Variants in HDHD5 observed in about 807,000 individuals in gnomAD.
The protein encoded by HDHD5 is haloacid dehalogenase-like hydrolase domain-containing 5.
In HDHD5, 34 loss-of-function variants were observed where a neutral mutation model predicts 35.5. The ratio of observed to expected loss-of-function variants is 0.96; its 90% CI spans 0.73 to 1.28. The LOEUF is 1.28. HDHD5 is among the 50% of genes most tolerant of loss of function. HDHD5 has a pLI of 0.00. For synonymous variants in HDHD5, 248 were observed against 240.6 expected (o/e 1.03, Z -0.29); for missense variants, 589 against 560.2 (o/e 1.05, Z -0.52).
At position 17,141,484 on chromosome 22, in the gene HDHD5, G is replaced by C; in HGVS notation, c.572-251C>G. The C allele has an allele frequency of 2.3e-6, 3 of 1,326,034 alleles. No individual in the cohort carries two copies. The South Asian group carries it at 6.2e-5, about 27-fold the overall frequency. The allele number at this position is 1,326,034 out of a possible 1,614,324, so 82.1% of individuals were successfully genotyped here. ...TTCAGTCCACCAGTGCTTCACAGAA[G>C]AGGTTACAAAACAAAAGCAGCATGT... On this transcript the variant is annotated intron_variant, in intron 5 of 7. Coordinates refer to ENST00000336737, the MANE Select transcript of HDHD5 (RefSeq NM_033070.3).
In HDHD5 at chr22:17,159,265, T is replaced by C; in HGVS notation, c.-14A>G. 9.0e-7 allele frequency: 1 copy of C among 1,108,492 alleles called. No homozygotes were observed. The highest frequency in any genetic ancestry group is 1.1e-6 in the Non-Finnish European group (1 of 901,976). 68.7% of individuals were successfully genotyped at this position (1,108,492 alleles called of 1,614,324 possible). A position where few individuals can be genotyped will look rare whatever the true frequency, so the allele number is the denominator to read the frequency against. On this transcript the variant is annotated 5_prime_UTR_variant, in exon 1 of 8. Transcript: ENST00000336737. ...CCACGCAGCCATCCGGCCGTCGCCGTGCGCACGTGCACGGCGTGCGGCCCC... is the reference window on the plus strand; with the variant it reads ...CCACGCAGCCATCCGGCCGTCGCCGCGCGCACGTGCACGGCGTGCGGCCCC...
chr22:17,157,378 G>A (rs950877847), intron 1 of HDHD5, among the ~76,000 whole-genome samples: 2 of 150,094 alleles, frequency 1.3e-5, no homozygotes, highest in Non-Finnish European at 3.0e-5. Context: ...GGCTTCTCCT[G>A]CCTCAGCCTC....
At chr22:17,153,592 C>T (rs2061752818) in intron 1 of HDHD5, among the ~76,000 whole-genome samples, 1 of 152,168 alleles carries the variant, frequency 6.6e-6, no homozygotes, top group Non-Finnish European at 1.5e-5. Flanking sequence ...GGCCATAAAT[C>T]CCCTTTAAAC....
intron 1 of HDHD5, among the ~76,000 whole-genome samples, chr22:17,156,656 C>G (rs1454169838): frequency 6.6e-6 from 1 of 151,208 alleles, no homozygotes; most frequent in Non-Finnish European, 1.5e-5. Flanking sequence ...GGCACCTATA[C>G]TCCCAGTTAC....
intron 1 of HDHD5, among the ~76,000 whole-genome samples, chr22:17,157,076 T>TCTCACACACACACA (rs1555881505): frequency 8.0e-4 from 45 of 56,166 alleles, no homozygotes; most frequent in African/African-American, 3.2e-3. Context: ...AGACACCGTC[T>TCTCACACACACACA]CACACACATA....
upstream of HDHD5, chr22:17,159,296 C>CT (rs916119318): frequency 4.3e-5 from 53 of 1,236,922 alleles, no homozygotes; most frequent in Non-Finnish European, 3.6e-5. Context: ...GCCCCCCCCC[C>CT]CCGCGAGTCC....
At chr22:17,151,312 A>G (rs4819968) in intron 1 of HDHD5, among the ~76,000 whole-genome samples, 133,696 of 152,194 alleles carry the variant, frequency 0.88, 58,886 homozygotes, top group African/African-American at 0.93. Flanking sequence ...TTCTTCAATC[A>G]TCAAAAAAAC....
intron 1 of HDHD5, among the ~76,000 whole-genome samples, chr22:17,153,335 G>A (rs1348721547): frequency 3.9e-5 from 6 of 152,194 alleles, no homozygotes; most frequent in Admixed American, 6.5e-5. Flanking sequence ...GGGTCACCCA[G>A]TTCACAAGTG....
upstream of HDHD5, among the ~76,000 whole-genome samples, chr22:17,160,480 T>A (rs573806233): frequency 6.6e-6 from 1 of 152,098 alleles, no homozygotes; most frequent in South Asian, 2.1e-4. Context: ...AAACCCCGTC[T>A]CTGCTGAAAA....
At chr22:17,146,223 G>A (rs1054853506) in intron 3 of HDHD5, among the ~76,000 whole-genome samples, 1 of 151,910 alleles carries the variant, frequency 6.6e-6, no homozygotes, top group African/African-American at 2.4e-5. Context: ...ATCTCCTGGG[G>A]CTCCGCTGTA....
chr22:17,141,479 C>A lies in HDHD5; in HGVS notation c.572-246G>T. On this transcript the variant is annotated intron_variant, in intron 5 of 7. Transcript: ENST00000336737. ...CTGACTTCAGTCCACCAGTGCTTCACAGAAGAGGTTACAAAACAAAAGCAG... is the reference window on the plus strand; with the variant it reads ...CTGACTTCAGTCCACCAGTGCTTCAAAGAAGAGGTTACAAAACAAAAGCAG... 3.0e-6 allele frequency: 4 copies of A among 1,331,978 alleles called. 1 individual carries two copies. The highest frequency in any genetic ancestry group is 3.8e-6 in the Non-Finnish European group (4 of 1,047,836). 82.5% of individuals were successfully genotyped at this position (1,331,978 alleles called of 1,614,324 possible).
chr22:17,147,073 G>A (rs367838805), intron 3 of HDHD5, among the ~76,000 whole-genome samples: 1 of 266 alleles, frequency 3.8e-3, no homozygotes, highest in Non-Finnish European at 5.6e-3. Flanking sequence ...ACCGGCCTTC[G>A]ATCACACGTC....
chr22:17,157,076 T>TCACACACACACACACACACACACA (rs779244919), intron 1 of HDHD5, among the ~76,000 whole-genome samples: 88 of 56,120 alleles, frequency 1.6e-3, no homozygotes, highest in Admixed American at 6.6e-3. Flanking sequence ...AGACACCGTC[T>TCACACACACACACACACACACACA]CACACACATA....
In HDHD5 at chr22:17,154,727, A is replaced by T. The variant is rs1040740993; in HGVS notation, c.126+4399T>A. On this transcript the variant is annotated intron_variant, in intron 1 of 7. Coordinates refer to ENST00000336737, the MANE Select transcript of HDHD5 (RefSeq NM_033070.3). ...AACCTCAACCTCCTGAGCTCAAAGG[A>T]TCCTCCTGCTTCAGCTTCCCAAGTA... 2.0e-5 allele frequency among the ~76,000 whole-genome samples: 3 copies of T among 150,560 alleles called. No individual in the cohort carries two copies. In the Admixed American group the frequency reaches 2.0e-4, roughly 10 times the overall value.
intron 1 of HDHD5, among the ~76,000 whole-genome samples, chr22:17,153,469 C>T (rs568618870): frequency 6.6e-6 from 1 of 152,268 alleles, no homozygotes; most frequent in East Asian, 1.9e-4. Context: ...CATTTCTTCT[C>T]TCTCCTCAAT....
At chr22:17,154,989 A>G (rs1343571078) in intron 1 of HDHD5, among the ~76,000 whole-genome samples, 1 of 152,152 alleles carries the variant, frequency 6.6e-6, no homozygotes, top group Non-Finnish European at 1.5e-5. Context: ...ACAAGAAATC[A>G]GAGATTTACT....
upstream of HDHD5, chr22:17,159,400 T>C (rs1394545296): frequency 1.1e-6 from 1 of 878,134 alleles, no homozygotes; most frequent in South Asian, 1.4e-5. Context: ...CCTATGGAAC[T>C]CGACCCGCAG....
At chr22:17,143,377 G>A (rs2061621302) in intron 4 of HDHD5, 1 of 446,336 alleles carries the variant, frequency 2.2e-6, no homozygotes, top group Admixed American at 4.5e-5. Flanking sequence ...CAGGAGGAAG[G>A]GTGGTCAGCT....
chr22:17,154,665 C>T (rs2061765327), intron 1 of HDHD5, among the ~76,000 whole-genome samples: 1 of 148,688 alleles, frequency 6.7e-6, no homozygotes, highest in African/African-American at 2.5e-5. Context: ...ACTCTGTCAC[C>T]AAGGCTGGGT....
Sources: allele counts gnomAD v4.1 joint callset (sites outside exome capture counted in the v4.1 genomes callset), GRCh38; gene constraint gnomAD v4.1.1; transcripts MANE v1.5; gene names NCBI Gene and HGNC (gene_info 2026-07-23, HGNC 2026-07-21).